Variants in ARMC9 observed in about 807,000 individuals in gnomAD.
ARMC9 encodes the protein lisH domain-containing protein ARMC9.
Under a neutral mutation model 107.0 loss-of-function variants are expected in ARMC9, and 94 were observed. The ratio of observed to expected loss-of-function variants is 0.88; its 90% CI spans 0.74 to 1.04. ARMC9 has a LOEUF of 1.04. Ranked by LOEUF, ARMC9 falls within the 50% of genes least tolerant of loss-of-function variation. The pLI is 0.00. For synonymous variants in ARMC9, 380 were observed against 396.9 expected (o/e 0.96, Z 0.51); for missense variants, 942 against 1,030.1 (o/e 0.91, Z 1.17).
intron 23 of ARMC9, among the ~76,000 whole-genome samples, chr2:231,367,959 A>C (rs977569056): frequency 1.3e-5 from 2 of 151,700 alleles, no homozygotes; most frequent in Non-Finnish European, 2.9e-5. Flanking sequence ...CAGCCTGGGC[A>C]ACGAGCAAAA....
chr2:231,267,876 C>T (rs1185012860), intron 12 of ARMC9, among the ~76,000 whole-genome samples: 1 of 152,104 alleles, frequency 6.6e-6, no homozygotes, highest in African/African-American at 2.4e-5. Flanking sequence ...TAGATAAGCC[C>T]CAACCAAAAC....
intron 9 of ARMC9, among the ~76,000 whole-genome samples, chr2:231,254,723 GA>G (rs1317747521): frequency 6.6e-5 from 10 of 151,708 alleles, no homozygotes; most frequent in African/African-American, 2.4e-4. Flanking sequence ...CTGACAATAA[GA>G]TTTTTAACAA....
At chr2:231,365,029 T>C (rs1551152) in intron 23 of ARMC9, among the ~76,000 whole-genome samples, 151,323 of 152,308 alleles carry the variant, frequency 0.99, 75,175 homozygotes, top group Middle Eastern at 1. Context: ...GCTGAGCCCC[T>C]GGTGGCCTCA....
chr2:231,274,247 A>G lies in ARMC9; in HGVS notation c.1334+1169A>G, dbSNP rs542076696. Reference sequence around the variant, plus strand: ...ATTCTCCTGCCTCAAACTCCTGGGTAGCTGGGATTACAGGCGCACACCACC... The same window carrying G: ...ATTCTCCTGCCTCAAACTCCTGGGTGGCTGGGATTACAGGCGCACACCACC... On this transcript the variant is annotated intron_variant, in intron 14 of 24. Transcript: ENST00000611582. Among the ~76,000 whole-genome samples the G allele has an allele frequency of 1.1e-3, 171 of 152,184 alleles. 1 individual carries two copies. Among genetic ancestry groups the G allele is most frequent in the African/African-American group, 4.0e-3 (167 of 41,540 alleles).
chr2:231,339,308 G>A (rs150038729), intron 20 of ARMC9, among the ~76,000 whole-genome samples: 4,909 of 149,458 alleles, frequency 0.033, 271 homozygotes, highest in African/African-American at 0.11. Flanking sequence ...AGCTCTGGGC[G>A]ACAGAGCAAG....
Position 231,360,903 on chromosome 2 carries a change from G to A in ARMC9, c.2261+20G>A. On this transcript the variant is annotated intron_variant, in intron 23 of 24. Transcript: ENST00000611582. The surrounding 1 kb of genome is among the most constrained non-coding windows in gnomAD (Gnocchi z 4.7). ...CACCAGGTAAGGGGGATATCACAAG[G>A]CCTCGAACCTGACTCTCGGAGCTCT... The A allele has an allele frequency of 2.0e-6, 3 of 1,501,040 alleles. No individual in the cohort carries two copies. The highest frequency in any genetic ancestry group is 2.7e-6 in the Non-Finnish European group (3 of 1,130,426). The allele number at this position is 1,501,040 out of a possible 1,614,324, so 93.0% of individuals were successfully genotyped here.
At chr2:231,368,829 C>T (rs577240020) in intron 23 of ARMC9, among the ~76,000 whole-genome samples, 7 of 152,110 alleles carry the variant, frequency 4.6e-5, no homozygotes, top group African/African-American at 1.2e-4. Context: ...TTCACCATGC[C>T]GGCCAGGCTG....
At chr2:231,312,088 A>G (rs1010576140) in intron 19 of ARMC9, among the ~76,000 whole-genome samples, 1 of 152,052 alleles carries the variant, frequency 6.6e-6, no homozygotes. Context: ...AAACAATAAT[A>G]TTTTCCTCCC....
intron 12 of ARMC9, among the ~76,000 whole-genome samples, chr2:231,265,245 A>G (rs1187938125): frequency 6.6e-6 from 1 of 152,222 alleles, no homozygotes; most frequent in African/African-American, 2.4e-5. Flanking sequence ...CAACAGTCCC[A>G]CTAGTGGCCA....
intron 7 of ARMC9, among the ~76,000 whole-genome samples, chr2:231,228,785 G>A (rs1324005865): frequency 1.3e-5 from 2 of 152,058 alleles, no homozygotes; most frequent in African/African-American, 2.4e-5. Flanking sequence ...CTGCCAGGTC[G>A]CTGTTCTGAA....
chr2:231,287,648 C>T (rs950983860), intron 17 of ARMC9, among the ~76,000 whole-genome samples: 6 of 152,236 alleles, frequency 3.9e-5, no homozygotes, highest in South Asian at 4.2e-4. Flanking sequence ...CTCCCAATCT[C>T]ATGATTACAT....
intron 16 of ARMC9, 32 bp from the exon 17 acceptor site, chr2:231,282,027 G>T: frequency 1.3e-6 from 2 of 1,598,530 alleles, no homozygotes; most frequent in Non-Finnish European, 1.7e-6. Context: ...TTGAAAACTT[G>T]CAAATAACTG....
intron 21 of ARMC9, among the ~76,000 whole-genome samples, chr2:231,351,575 A>T (rs1289918985): frequency 6.6e-6 from 1 of 152,114 alleles, no homozygotes; most frequent in Admixed American, 6.5e-5. Flanking sequence ...TTTCCTACAT[A>T]TATTTTTAGC....
intron 16 of ARMC9, among the ~76,000 whole-genome samples, chr2:231,281,364 TG>T (rs1191755119): frequency 2.0e-5 from 3 of 151,878 alleles, no homozygotes; most frequent in Admixed American, 6.6e-5. Context: ...AACAGCCTGG[TG>T]GGGGGCATCC....
chr2:231,236,750 C>T (rs890664217), intron 8 of ARMC9, among the ~76,000 whole-genome samples: 2 of 152,000 alleles, frequency 1.3e-5, no homozygotes, highest in Admixed American at 1.3e-4. Flanking sequence ...AGACCAGAGC[C>T]CCGGCCAACA....
chr2:231,229,061 T>C (rs182373523), intron 7 of ARMC9, among the ~76,000 whole-genome samples: 1 of 152,020 alleles, frequency 6.6e-6, no homozygotes, highest in Non-Finnish European at 1.5e-5. Context: ...TTTTAAGCCT[T>C]CTTTAGGGTC....
rs367944446 is a variant in ARMC9, at chr2:231,328,972, G to A, written c.1774-2821G>A. ...TGGGACTACAGGAACCCACCACCACGGCGGGCTACTTTTTTTTGTATTTTT... is the reference window on the plus strand; with the variant it reads ...TGGGACTACAGGAACCCACCACCACAGCGGGCTACTTTTTTTTGTATTTTT... On this transcript the variant is annotated intron_variant, in intron 19 of 24. Transcript: ENST00000611582. 1.6e-3 allele frequency among the ~76,000 whole-genome samples: 236 copies of A among 151,302 alleles called. 1 individual carries two copies. Among genetic ancestry groups the A allele is most frequent in the African/African-American group, 5.2e-3 (215 of 41,258 alleles).
intron 23 of ARMC9, among the ~76,000 whole-genome samples, chr2:231,368,465 C>T (rs143480261): frequency 3.9e-4 from 60 of 152,262 alleles, no homozygotes; most frequent in African/African-American, 1.3e-3. Context: ...CTTGTAAATG[C>T]TAACGACAGG....
At chr2:231,322,348 CAA>C (rs2043046035) in intron 19 of ARMC9, among the ~76,000 whole-genome samples, 3 of 152,350 alleles carry the variant, frequency 2.0e-5, no homozygotes, top group South Asian at 4.1e-4. Context: ...CTTATTTTCA[CAA>C]AGAGTGAGAT....
Sources: gnomAD v4.1 joint callset for allele counts (sites outside exome capture counted in the v4.1 genomes callset) on GRCh38, gnomAD v4.1.1 for gene constraint, Gnocchi (gnomAD v3.1) non-coding constraint, MANE v1.5 for transcripts, NCBI Gene and HGNC (gene_info 2026-07-23, HGNC 2026-07-21) for gene names.